Variants in VTI1B observed in about 807,000 individuals in gnomAD.
VTI1B encodes vesicle transport through interaction with t-SNAREs homolog 1B.
A neutral mutation model predicts 28.6 loss-of-function variants in VTI1B; 18 were observed. That is an observed-to-expected ratio of 0.63 (90% CI 0.43 to 0.93). The LOEUF (loss-of-function observed/expected upper bound fraction) is 0.93. Ranked by LOEUF, VTI1B falls within the 40% of genes least tolerant of loss-of-function variation. VTI1B has a pLI of 0.00. For missense variants in VTI1B, 283 were observed against 297.0 expected (o/e 0.95, Z 0.35); for synonymous variants, 100 against 107.9 (o/e 0.93, Z 0.46).
intron 4 of VTI1B, among the ~76,000 whole-genome samples, chr14:67,654,671 T>G (rs2037231233): frequency 6.6e-6 from 1 of 152,180 alleles, no homozygotes; most frequent in Admixed American, 6.5e-5. Flanking sequence ...GGCCACAGTA[T>G]GTTTTTCAAA....
At chr14:67,653,578 G>A in intron 4 of VTI1B, 80 bp from the exon 5 acceptor site, 1 of 1,252,964 alleles carries the variant, frequency 8.0e-7, no homozygotes, top group Non-Finnish European at 1.1e-6. Flanking sequence ...TTAACAGTAG[G>A]CATTAAGGGA....
chr14:67,663,151 G>A lies in VTI1B; in HGVS notation c.116-616C>T, dbSNP rs1389591982. Reference sequence around the variant, plus strand: ...CAGCCTTTCCCATTCTGTCCCTTTGGTTGAGTGTATCTTTAATACCTAAAA... The same window carrying A: ...CAGCCTTTCCCATTCTGTCCCTTTGATTGAGTGTATCTTTAATACCTAAAA... On this transcript the variant is annotated intron_variant, in intron 1 of 5. Transcript: ENST00000554659. The A allele has an allele frequency of 2.6e-6, 4 of 1,532,404 alleles. No individual in the cohort carries two copies. The East Asian group carries it at 7.3e-5, about 28-fold the overall frequency. The allele number at this position is 1,532,404 out of a possible 1,614,324, so 94.9% of individuals were successfully genotyped here.
At chr14:67,664,102 C>G (rs1387844669) in intron 1 of VTI1B, among the ~76,000 whole-genome samples, 1 of 152,106 alleles carries the variant, frequency 6.6e-6, no homozygotes, top group African/African-American at 2.4e-5. Flanking sequence ...TTGTTTGTTT[C>G]AAGACAGAGT....
At chr14:67,656,725 G>C in intron 3 of VTI1B, 136 bp from the exon 4 acceptor site, 1 of 969,292 alleles carries the variant, frequency 1.0e-6, no homozygotes, top group Non-Finnish European at 1.4e-6. Context: ...CAGAACCAAA[G>C]AAGCTAATGA....
At chr14:67,659,056 C>T (rs772372849) in intron 3 of VTI1B, among the ~76,000 whole-genome samples, 8 of 152,156 alleles carry the variant, frequency 5.3e-5, no homozygotes, top group Non-Finnish European at 1.2e-4. Context: ...ATCTTTCAGA[C>T]GTTTTATTCC....
Position 67,647,105 on chromosome 14 carries a change from T to C in VTI1B, c.*4280A>G, listed in dbSNP as rs577213999. 33 of 936,280 alleles carry C rather than the reference T, an allele frequency of 3.5e-5. No homozygotes were observed. The South Asian group carries it at 4.7e-4, about 13-fold the overall frequency. 58.0% of individuals were successfully genotyped at this position (936,280 alleles called of 1,614,324 possible). A position where few individuals can be genotyped will look rare whatever the true frequency, so the allele number is the denominator to read the frequency against. ...GCCTGTTTCTTGAGGACAGCAGCTT[T>C]ACTTTTAAAATACAAAGCAAAAACA... On this transcript the variant is annotated 3_prime_UTR_variant, in exon 6 of 6. Transcript: ENST00000554659.
Position 67,650,317 on chromosome 14 carries a change from C to G in VTI1B, c.*1068G>C. On this transcript the variant is annotated 3_prime_UTR_variant, in exon 6 of 6. Coordinates refer to ENST00000554659, the MANE Select transcript of VTI1B (RefSeq NM_006370.3). ...GTGGCAGATTTCCTCTGCCTTCATA[C>G]TTGATTCATTTCCAGGCAGGCATCT... 4.1e-6 allele frequency: 1 copy of G among 245,334 alleles called. No individual in the cohort carries two copies. The highest frequency in any genetic ancestry group is 8.0e-6 in the Non-Finnish European group (1 of 125,440). The allele number at this position is 245,334 out of a possible 1,614,324, so 15.2% of individuals were successfully genotyped here. A position where few individuals can be genotyped will look rare whatever the true frequency, so the allele number is the denominator to read the frequency against.
rs763533504 is a variant in VTI1B, at chr14:67,651,482, C to A, written c.603-1G>T. On this transcript the variant is annotated splice_acceptor_variant, in intron 5 of 5. Coordinates refer to ENST00000554659, the MANE Select transcript of VTI1B (RefSeq NM_006370.3). LOFTEE classifies it high-confidence loss of function. ...AAGCAGCAGCTTGTTGGTTGTCACTCTACAAAGAGAAGCAAAGTGGGGAGT... is the reference window on the plus strand; with the variant it reads ...AAGCAGCAGCTTGTTGGTTGTCACTATACAAAGAGAAGCAAAGTGGGGAGT... 2 of 1,613,538 alleles carry A rather than the reference C, an allele frequency of 1.2e-6. No homozygotes were observed. The highest frequency in any genetic ancestry group is 2.2e-5 in the South Asian group (2 of 91,036).
chr14:67,656,262 T>G (rs1451049188), intron 4 of VTI1B, 154 bp downstream of exon 4: 2 of 680,062 alleles, frequency 2.9e-6, no homozygotes, highest in Non-Finnish European at 4.1e-6. Context: ...AAAAAAAAAA[T>G]TAATAAATAA....
At chr14:67,670,057 T>C (rs1306984621) in intron 1 of VTI1B, among the ~76,000 whole-genome samples, 1 of 152,188 alleles carries the variant, frequency 6.6e-6, no homozygotes, top group Admixed American at 6.5e-5. Flanking sequence ...ATGGTGCCAC[T>C]GCACTCCAGC....
chr14:67,656,683 A>G (rs2037262579), intron 3 of VTI1B, 94 bp from the exon 4 acceptor site: 1 of 1,312,290 alleles, frequency 7.6e-7, no homozygotes, highest in Non-Finnish European at 1.0e-6. Context: ...TAGAAGGGAT[A>G]TAGTGAGCAA....
intron 3 of VTI1B, among the ~76,000 whole-genome samples, chr14:67,657,406 C>T (rs1299523619): frequency 6.6e-6 from 1 of 152,136 alleles, no homozygotes; most frequent in African/African-American, 2.4e-5. Flanking sequence ...GGGGCTTGAG[C>T]AAGCTTCCCC....
At chr14:67,660,053 A>C in intron 2 of VTI1B, 131 bp from the exon 3 acceptor site, 2 of 928,650 alleles carry the variant, frequency 2.2e-6, no homozygotes, top group Non-Finnish European at 3.2e-6. Context: ...ATGCTCCATG[A>C]GGCAGGGACC....
intron 1 of VTI1B, among the ~76,000 whole-genome samples, chr14:67,668,534 A>G (rs1478432210): frequency 2.6e-5 from 4 of 152,330 alleles, no homozygotes; most frequent in South Asian, 2.1e-4. Flanking sequence ...GGACAACAGA[A>G]TAGAAATAAA....
At chr14:67,651,502 G>C (rs573692573) in intron 5 of VTI1B, 21 bp from the exon 6 acceptor site, 1 of 1,612,172 alleles carries the variant, frequency 6.2e-7, no homozygotes, top group Non-Finnish European at 8.5e-7. Flanking sequence ...AAGCAAAGTG[G>C]GGAGTAGTCA....
At chr14:67,652,492 T>G (rs1184292144) in intron 5 of VTI1B, 2 of 173,224 alleles carry the variant, frequency 1.2e-5, no homozygotes, top group African/African-American at 4.7e-5. Flanking sequence ...TTAGATGCAC[T>G]GGAATTCCAT....
At chr14:67,668,799 G>T (rs895545898) in intron 1 of VTI1B, among the ~76,000 whole-genome samples, 2 of 152,228 alleles carry the variant, frequency 1.3e-5, no homozygotes, top group Non-Finnish European at 2.9e-5. Flanking sequence ...TGGGGCCTGA[G>T]AATTTGCATT....
chr14:67,659,649 G>GA (rs2037310430), intron 3 of VTI1B, 82 bp downstream of exon 3: 1 of 1,391,022 alleles, frequency 7.2e-7, no homozygotes, highest in Non-Finnish European at 9.6e-7. Flanking sequence ...CTGATAACAT[G>GA]AAATACCCCA....
intron 1 of VTI1B, among the ~76,000 whole-genome samples, chr14:67,671,659 A>C (rs2037466687): frequency 6.6e-6 from 1 of 152,274 alleles, no homozygotes; most frequent in Non-Finnish European, 1.5e-5. Context: ...TTGCTATAAC[A>C]GAATAGCTGA....
Sources: allele counts gnomAD v4.1 joint callset (sites outside exome capture counted in the v4.1 genomes callset), GRCh38; gene constraint gnomAD v4.1.1; transcripts MANE v1.5; gene names NCBI Gene and HGNC (gene_info 2026-07-23, HGNC 2026-07-21).